FBXL17: variants seen among roughly 807,000 people sequenced by gnomAD.
The protein encoded by FBXL17 is F-box/LRR-repeat protein 17.
In FBXL17, 22 loss-of-function variants were observed where a neutral mutation model predicts 66.2. That is an observed-to-expected ratio of 0.33 (90% CI 0.24 to 0.47). The LOEUF (loss-of-function observed/expected upper bound fraction) is 0.47, where lower values mean the gene tolerates loss of function less well. Among genes scored for constraint, FBXL17 ranks in the 20% least tolerant of loss-of-function variants. The pLI is 1.00. For missense variants in FBXL17, 878 were observed against 948.2 expected (o/e 0.93, Z 0.97); for synonymous variants, 474 against 400.5 (o/e 1.18, Z -2.19).
At chr5:108,001,547 C>G (rs542018408) in intron 7 of FBXL17, among the ~76,000 whole-genome samples, 5 of 151,930 alleles carry the variant, frequency 3.3e-5, no homozygotes, top group Non-Finnish European at 7.4e-5. Context: ...ATCGCCCAGG[C>G]TGGAGTGCAG....
At chr5:107,907,989 T>C (rs907691173) in intron 7 of FBXL17, among the ~76,000 whole-genome samples, 40 of 152,316 alleles carry the variant, frequency 2.6e-4, no homozygotes, top group African/African-American at 9.6e-4. Flanking sequence ...TAAAGACACA[T>C]GCACACGTAT....
intron 8 of FBXL17, among the ~76,000 whole-genome samples, chr5:107,869,306 T>C (rs1048828397): frequency 6.6e-6 from 1 of 152,170 alleles, no homozygotes; most frequent in African/African-American, 2.4e-5. Context: ...CAGATATCCA[T>C]GGAACCTGGT....
chr5:108,374,899 G>A (rs1340717744), intron 1 of FBXL17, among the ~76,000 whole-genome samples: 2 of 151,966 alleles, frequency 1.3e-5, no homozygotes, highest in East Asian at 1.9e-4. Context: ...TTAAAAAGAA[G>A]AAAGATCTTG....
intron 6 of FBXL17, among the ~76,000 whole-genome samples, chr5:108,063,310 C>T (rs1747996425): frequency 6.6e-6 from 1 of 152,146 alleles, no homozygotes; most frequent in Admixed American, 6.5e-5. Context: ...GAAAAGGAGA[C>T]ACCATAGTGT....
chr5:108,279,006 C>T (rs1273045320), intron 4 of FBXL17, among the ~76,000 whole-genome samples: 1 of 152,170 alleles, frequency 6.6e-6, no homozygotes, highest in Admixed American at 6.5e-5. Flanking sequence ...ACATAAACAC[C>T]CTGCTGCTTC....
intron 6 of FBXL17, among the ~76,000 whole-genome samples, chr5:108,102,842 T>C (rs1291228620): frequency 1.3e-5 from 2 of 152,170 alleles, no homozygotes; most frequent in South Asian, 2.1e-4. Flanking sequence ...ATAAATAATA[T>C]ATCTTATAAG....
intron 7 of FBXL17, among the ~76,000 whole-genome samples, chr5:107,957,269 G>A (rs17371693): frequency 0.097 from 14,741 of 152,092 alleles, 766 homozygotes; most frequent in South Asian, 0.13. Flanking sequence ...GGGTGTAAAC[G>A]ACATCTGGTT....
intron 4 of FBXL17, chr5:108,301,982 G>C (rs1050658643): frequency 2.0e-6 from 2 of 979,086 alleles, no homozygotes; most frequent in African/African-American, 3.5e-5. Flanking sequence ...ATACCTCCTA[G>C]TAGGACAGGC....
At chr5:108,329,110 G>A (rs1759998427) in intron 4 of FBXL17, among the ~76,000 whole-genome samples, 1 of 152,024 alleles carries the variant, frequency 6.6e-6, no homozygotes, top group African/African-American at 2.4e-5. Context: ...AAGAACTTCT[G>A]TTTATATTTA....
chr5:108,297,159 G>T (rs1758381787), intron 4 of FBXL17, among the ~76,000 whole-genome samples: 1 of 151,260 alleles, frequency 6.6e-6, no homozygotes, highest in South Asian at 2.1e-4. Context: ...CTTAACACAG[G>T]ATTAAGACCA....
intron 6 of FBXL17, among the ~76,000 whole-genome samples, chr5:108,064,288 TA>T (rs1748034208): frequency 6.6e-6 from 1 of 152,316 alleles, no homozygotes. Context: ...TTCTGAGAAA[TA>T]ATTTCACAAT....
intron 3 of FBXL17, among the ~76,000 whole-genome samples, chr5:108,364,200 A>C (rs929323104): frequency 3.9e-5 from 6 of 152,138 alleles, no homozygotes; most frequent in East Asian, 1.9e-4. Flanking sequence ...ATCCACTCCG[A>C]GCCAAGAAAC....
At chr5:108,060,134 A>G (rs2112842408) in intron 6 of FBXL17, among the ~76,000 whole-genome samples, 1 of 151,338 alleles carries the variant, frequency 6.6e-6, no homozygotes, top group African/African-American at 2.4e-5. Context: ...CTAAGTACAA[A>G]TCTACATGTT....
rs989475413 is a variant in FBXL17, at chr5:108,020,812, AAGTGACGATAGAC to A, written c.1822+100_1822+112del. ...TTTTTGGTATGGTCACAATGAGCAT[AAGTGACGATAGAC>A]AGTCTCTATGATATAGTTCTTGATT... On this transcript the variant is annotated intron_variant, in intron 7 of 8. Coordinates refer to ENST00000542267, the MANE Select transcript of FBXL17 (RefSeq NM_001163315.3). The A allele has an allele frequency of 4.1e-6, 3 of 730,894 alleles. No homozygotes were observed. The Admixed American group carries it at 6.7e-5, about 16-fold the overall frequency. The allele number at this position is 730,894 out of a possible 1,614,324, so 45.3% of individuals were successfully genotyped here. A position where few individuals can be genotyped will look rare whatever the true frequency, so the allele number is the denominator to read the frequency against.
chr5:108,301,075 C>T (rs1166532715), intron 4 of FBXL17, among the ~76,000 whole-genome samples: 1 of 151,664 alleles, frequency 6.6e-6, no homozygotes, highest in Non-Finnish European at 1.5e-5. Context: ...GATGTGATTA[C>T]TATAGCATTT....
chr5:108,145,499 C>A (rs1751519362), intron 6 of FBXL17, among the ~76,000 whole-genome samples: 1 of 152,158 alleles, frequency 6.6e-6, no homozygotes, highest in South Asian at 2.1e-4. Context: ...CCTCATTAAG[C>A]AATACTAACT....
intron 6 of FBXL17, among the ~76,000 whole-genome samples, chr5:108,037,286 A>T (rs1746883739): frequency 6.6e-6 from 1 of 152,218 alleles, no homozygotes; most frequent in Non-Finnish European, 1.5e-5. Flanking sequence ...ACTTCTTGAT[A>T]TTGGAAAAGA....
At chr5:108,060,879 G>T (rs1451169157) in intron 6 of FBXL17, among the ~76,000 whole-genome samples, 1 of 152,088 alleles carries the variant, frequency 6.6e-6, no homozygotes, top group Non-Finnish European at 1.5e-5. Context: ...CCATTCCTTT[G>T]ATTTTCTACA....
chr5:108,225,202 A>G (rs532525743), intron 4 of FBXL17, among the ~76,000 whole-genome samples: 2 of 152,180 alleles, frequency 1.3e-5, no homozygotes, highest in Non-Finnish European at 2.9e-5. Context: ...TTCACTTAGC[A>G]TAATGTTATC....
Sources: allele counts gnomAD v4.1 joint callset (sites outside exome capture counted in the v4.1 genomes callset), GRCh38; gene constraint gnomAD v4.1.1; transcripts MANE v1.5; gene names NCBI Gene and HGNC (gene_info 2026-07-23, HGNC 2026-07-21).